The following STPG2 variants were observed in gnomAD, a reference collection of about 807,000 sequenced individuals.
The protein encoded by STPG2 is sperm tail PG-rich repeat containing 2.
A neutral mutation model predicts 54.2 loss-of-function variants in STPG2; 56 were observed. That is an observed-to-expected ratio of 1.03 (90% CI 0.83 to 1.29). The LOEUF (loss-of-function observed/expected upper bound fraction) is 1.29, where lower values mean the gene tolerates loss of function less well. Ranked by LOEUF, STPG2 falls within the 50% of genes most tolerant of loss-of-function variation. STPG2 has a pLI of 0.00. For synonymous variants in STPG2, 200 were observed against 181.8 expected (o/e 1.10, Z -0.81); for missense variants, 596 against 544.9 (o/e 1.09, Z -0.93).
chr4:97,468,343 C>CA (rs1385910484), intron 4 of STPG2, among the ~76,000 whole-genome samples: 1 of 151,800 alleles, frequency 6.6e-6, no homozygotes, highest in African/African-American at 2.4e-5. Flanking sequence ...TTTAATTAAT[C>CA]AAAAATAAGC....
chr4:97,450,078 C>T (rs1271139699), intron 4 of STPG2, among the ~76,000 whole-genome samples: 1 of 152,028 alleles, frequency 6.6e-6, no homozygotes, highest in Admixed American at 6.6e-5. Flanking sequence ...ATCCTTCAAT[C>T]ATTAAAAAGT....
chr4:97,612,647 G>A (rs1467566699), intron 10 of STPG2, among the ~76,000 whole-genome samples: 2 of 152,024 alleles, frequency 1.3e-5, no homozygotes, highest in Non-Finnish European at 2.9e-5. Context: ...ACTTACAAAG[G>A]AGGCTGGGGA....
chr4:97,688,247 T>C (rs984796995), intron 10 of STPG2, among the ~76,000 whole-genome samples: 1 of 152,176 alleles, frequency 6.6e-6, no homozygotes, highest in Non-Finnish European at 1.5e-5. Flanking sequence ...ATCTTAAATA[T>C]AATAAAGTTC....
rs567181375 is a variant in STPG2 at position 97,644,048 on chromosome 4, C to T, written c.1320+68651G>A. On this transcript the variant is annotated intron_variant, in intron 10 of 10. Coordinates refer to ENST00000295268, the MANE Select transcript of STPG2 (RefSeq NM_174952.3). ...CTTGAATTGATATGGCAAAGTTCACCTGCCACCTGTCCAGTGACTTAAGAG... is the reference window on the plus strand; with the variant it reads ...CTTGAATTGATATGGCAAAGTTCACTTGCCACCTGTCCAGTGACTTAAGAG... Among the ~76,000 whole-genome samples the T allele has an allele frequency of 4.6e-5, 7 of 151,946 alleles. No individual in the cohort carries two copies. In the South Asian group the frequency reaches 1.5e-3, roughly 32 times the overall value.
chr4:97,453,631 A>G (rs1410353263), intron 4 of STPG2, among the ~76,000 whole-genome samples: 1 of 152,234 alleles, frequency 6.6e-6, no homozygotes, highest in Non-Finnish European at 1.5e-5. Context: ...AAGAGAGTCA[A>G]TTCAGGCCTC....
chr4:97,479,295 A>G (rs1024843442), intron 4 of STPG2, among the ~76,000 whole-genome samples: 2 of 151,914 alleles, frequency 1.3e-5, no homozygotes, highest in African/African-American at 4.8e-5. Flanking sequence ...GTTGATTTTT[A>G]TCAATTCTAA....
rs532169254 is a variant in STPG2, at chr4:97,638,191, A to G, written c.1320+74508T>C. Among the ~76,000 whole-genome samples the G allele has an allele frequency of 3.7e-4, 57 of 152,298 alleles. No homozygotes were observed. The East Asian group carries it at 5.4e-3, about 14-fold the overall frequency. Reference sequence around the variant, plus strand: ...ACAGAGCCCTCAGAAATAACACTGCATATCTACAACTATCTGATCTTTGAC... The same window carrying G: ...ACAGAGCCCTCAGAAATAACACTGCGTATCTACAACTATCTGATCTTTGAC... On this transcript the variant is annotated intron_variant, in intron 10 of 10. Transcript: ENST00000295268.
chr4:97,669,563 G>A lies in STPG2; in HGVS notation c.1320+43136C>T, dbSNP rs1328501992. On this transcript the variant is annotated intron_variant, in intron 10 of 10. Transcript: ENST00000295268. ...TGTAATCCCAGCACTTTGGGAGGCC[G>A]AGGCGGGTGGATCATGAGGTCAGGA... is the stretch of plus-strand genomic sequence containing the variant. Among the ~76,000 whole-genome samples, 5 of 26,590 alleles carry A rather than the reference G, an allele frequency of 1.9e-4. 1 individual carries two copies. The East Asian group carries it at 3.3e-3, about 17-fold the overall frequency. The allele number at this position is 26,590 out of a possible 152,430, so 17.4% of individuals were successfully genotyped here.
chr4:98,093,519 T>A (rs1738752899), intron 5 of STPG2, among the ~76,000 whole-genome samples: 1 of 152,162 alleles, frequency 6.6e-6, no homozygotes, highest in African/African-American at 2.4e-5. Flanking sequence ...ACACCATTCA[T>A]CTCTCCTGCT....
chr4:98,142,810 C>A (rs1181826660), intron 1 of STPG2, among the ~76,000 whole-genome samples: 1 of 152,116 alleles, frequency 6.6e-6, no homozygotes, highest in Non-Finnish European at 1.5e-5. Flanking sequence ...ACAACTATTG[C>A]GGAATCAAAA....
chr4:97,478,139 C>T (rs1730124991), intron 4 of STPG2, among the ~76,000 whole-genome samples: 1 of 152,096 alleles, frequency 6.6e-6, no homozygotes, highest in African/African-American at 2.4e-5. Context: ...CTAACATTTA[C>T]ACTGGGTTTT....
At chr4:97,487,670 A>G (rs1363155397) in intron 4 of STPG2, among the ~76,000 whole-genome samples, 1 of 151,542 alleles carries the variant, frequency 6.6e-6, no homozygotes, top group East Asian at 1.9e-4. Flanking sequence ...ATTAGATTCA[A>G]TAAATTATAG....
chr4:98,006,508 G>A (rs1314198785), intron 5 of STPG2, among the ~76,000 whole-genome samples: 1 of 152,222 alleles, frequency 6.6e-6, no homozygotes, highest in Non-Finnish European at 1.5e-5. Context: ...AAGCTGGGAA[G>A]AATTTAGCAA....
chr4:97,796,510 T>C (rs1205473685), intron 9 of STPG2, among the ~76,000 whole-genome samples: 1 of 152,170 alleles, frequency 6.6e-6, no homozygotes, highest in Non-Finnish European at 1.5e-5. Flanking sequence ...CAGATGGTAG[T>C]AGATGTGTGG....
At chr4:97,690,445 T>C (rs997826144) in intron 10 of STPG2, among the ~76,000 whole-genome samples, 18 of 152,054 alleles carry the variant, frequency 1.2e-4, no homozygotes, top group African/African-American at 3.6e-4. Context: ...AATACTAATA[T>C]AGTACCACCA....
chr4:98,035,629 A>C (rs1442025236), intron 5 of STPG2, among the ~76,000 whole-genome samples: 1 of 152,186 alleles, frequency 6.6e-6, no homozygotes, highest in Non-Finnish European at 1.5e-5. Context: ...TCATTCTACT[A>C]TAAAGACACA....
chr4:97,882,217 C>G (rs950655574), intron 8 of STPG2, among the ~76,000 whole-genome samples: 8 of 152,144 alleles, frequency 5.3e-5, no homozygotes, highest in African/African-American at 1.9e-4. Context: ...ATTAGCACTA[C>G]ACTATGGACT....
intron 9 of STPG2, among the ~76,000 whole-genome samples, chr4:97,743,627 C>A (rs938499168): frequency 6.6e-6 from 1 of 151,572 alleles, no homozygotes; most frequent in Non-Finnish European, 1.5e-5. Context: ...TATTTAGCAT[C>A]TTTGTGCTAG....
intron 4 of STPG2, among the ~76,000 whole-genome samples, chr4:97,535,515 C>T (rs1373818300): frequency 6.6e-6 from 1 of 152,060 alleles, no homozygotes; most frequent in Non-Finnish European, 1.5e-5. Context: ...GGTATTATCC[C>T]CCTATATAGA....
Sources: gnomAD v4.1 joint callset for allele counts (sites outside exome capture counted in the v4.1 genomes callset) on GRCh38, gnomAD v4.1.1 for gene constraint, MANE v1.5 for transcripts, NCBI Gene and HGNC (gene_info 2026-07-23, HGNC 2026-07-21) for gene names.